The following ALDH5A1 variants were observed in gnomAD, a reference collection of about 807,000 sequenced individuals.
The protein encoded by ALDH5A1 is aldehyde dehydrogenase 5 family member A1, also known as succinate-semialdehyde dehydrogenase, mitochondrial.
A neutral mutation model predicts 54.7 loss-of-function variants in ALDH5A1; 33 were observed. That is an observed-to-expected ratio of 0.60 (90% CI 0.46 to 0.81). The LOEUF (loss-of-function observed/expected upper bound fraction) is 0.81. Among genes scored for constraint, ALDH5A1 ranks in the 30% least tolerant of loss-of-function variants. ALDH5A1 has a pLI of 0.00. For missense variants in ALDH5A1, 657 were observed against 711.0 expected, an observed-to-expected ratio of 0.92 and a Z score of 0.86; for synonymous variants, 294 against 292.7, an observed-to-expected ratio of 1.00 and a Z score of -0.05.
intron 5 of ALDH5A1, among the ~76,000 whole-genome samples, chr6:24,519,293 A>G (rs1759631358): frequency 6.6e-6 from 1 of 152,194 alleles, no homozygotes; most frequent in Non-Finnish European, 1.5e-5. Flanking sequence ...GGCCGGGCAC[A>G]GTGGCTCACA....
At chr6:24,533,401 G>C in intron 9 of ALDH5A1, 106 bp from the exon 10 acceptor site, 3 of 1,194,544 alleles carry the variant, frequency 2.5e-6, no homozygotes, top group Non-Finnish European at 3.7e-6. Context: ...GAAGACTCCA[G>C]GCCCAAGTGG....
intron 5 of ALDH5A1, among the ~76,000 whole-genome samples, chr6:24,519,243 T>A (rs1176046384): frequency 6.6e-6 from 1 of 152,036 alleles, no homozygotes; most frequent in Non-Finnish European, 1.5e-5. Flanking sequence ...AGAAGAGCCA[T>A]GCAGTGGAAT....
Position 24,535,338 on chromosome 6 carries a change from T to G in ALDH5A1, c.*1626T>G, listed in dbSNP as rs1760025040. 2 of 152,120 alleles carry G rather than the reference T, an allele frequency of 1.3e-5. No homozygotes were observed. Among genetic ancestry groups the G allele is most frequent in the African/African-American group, 4.8e-5 (2 of 41,414 alleles). 9.4% of individuals were successfully genotyped at this position (152,120 alleles called of 1,614,324 possible). A position where few individuals can be genotyped will look rare whatever the true frequency, so the allele number is the denominator to read the frequency against. ...GAGTGTACTAGCCACATTCCCAAGG[T>G]CCCAAGGAGAAGGAAGAGCTGAAAT... is the stretch of plus-strand genomic sequence containing the variant. On this transcript the variant is annotated 3_prime_UTR_variant, in exon 10 of 10. Coordinates refer to ENST00000357578, the MANE Select transcript of ALDH5A1 (RefSeq NM_001080.3).
At position 24,520,417 on chromosome 6, in the gene ALDH5A1, C is replaced by T. The variant is rs770030436; in HGVS notation, c.887C>T (p.Ala296Val). Residue 296 changes from alanine (A) to valine (V), a missense_variant, in exon 6 of 10, where the codon GCA becomes GTA. Physicochemically the swap from Ala to Val is moderately conservative, Grantham distance 64 (BLOSUM62 0). This residue lies in a region of ALDH5A1 where 425 missense variants were observed against 516.4 expected (regional missense o/e 0.82). Transcript: ENST00000357578. Reference sequence around the variant, plus strand: ...TGCTCACAGATCCTGTTGCACCACGCAGCAAACTCTGTGAAAAGGGTCTCT... The same window carrying T: ...TGCTCACAGATCCTGTTGCACCACGTAGCAAACTCTGTGAAAAGGGTCTCT... Reference protein sequence around the residue: ...TTTGKILLHHAANSVKRVSME... With the variant: ...TTTGKILLHHVANSVKRVSME... The T allele has an allele frequency of 1.9e-6, 3 of 1,614,076 alleles. No homozygotes were observed. The highest frequency in any genetic ancestry group is 3.3e-5 in the Admixed American group (2 of 60,008).
Position 24,532,940 on chromosome 6 carries a change from C to T in ALDH5A1, c.1403-567C>T, listed in dbSNP as rs370590920. Among the ~76,000 whole-genome samples, 15 of 152,148 alleles carry T rather than the reference C, an allele frequency of 9.9e-5. 1 individual carries two copies. The highest frequency in any genetic ancestry group is 3.1e-4 in the African/African-American group (13 of 41,508). ...TCGATGGGGTGATGGTGGAGGAAGA[C>T]GTACCCTGAACTAGGTCATAAATGA... On this transcript the variant is annotated intron_variant, in intron 9 of 9. Transcript: ENST00000357578.
At position 24,536,992 on chromosome 6, in the gene ALDH5A1, T is replaced by C. The variant is rs1467420543; in HGVS notation, c.*3280T>C. On this transcript the variant is annotated 3_prime_UTR_variant, in exon 10 of 10. Coordinates refer to ENST00000357578, the MANE Select transcript of ALDH5A1 (RefSeq NM_001080.3). ...TGTGTGCAGCTATTTTAAATAGCAT[T>C]TTACTTGAATAATATGTATGTTGTC... The C allele has an allele frequency of 6.5e-6, 1 of 152,680 alleles. No homozygotes were observed. Among genetic ancestry groups the C allele is most frequent in the African/African-American group, 2.4e-5 (1 of 41,470 alleles). 9.5% of individuals were successfully genotyped at this position (152,680 alleles called of 1,614,324 possible).
At chr6:24,533,368 C>G in intron 9 of ALDH5A1, 139 bp from the exon 10 acceptor site, 1 of 872,130 alleles carries the variant, frequency 1.1e-6, no homozygotes, top group Non-Finnish European at 1.9e-6. Flanking sequence ...CAAGACCAAC[C>G]TGGGACTTTA....
At position 24,532,110 on chromosome 6, in the gene ALDH5A1, C is replaced by T; in HGVS notation, c.1344-9C>T. The T allele has an allele frequency of 6.2e-7, 1 of 1,613,950 alleles. No homozygotes were observed. Among genetic ancestry groups the T allele is most frequent in the Non-Finnish European group, 8.5e-7 (1 of 1,179,832 alleles). On this transcript the variant is annotated splice_polypyrimidine_tract_variant and intron_variant, in intron 8 of 9. Transcript: ENST00000357578. ...TTACATTTTTTATGACCTATCTTAA[C>T]TTTGGCAGGTTCGATACAGAGGAGG...
intron 4 of ALDH5A1, among the ~76,000 whole-genome samples, chr6:24,507,834 C>T (rs1759387372): frequency 1.3e-5 from 2 of 151,976 alleles, no homozygotes; most frequent in South Asian, 4.2e-4. Context: ...TATTTGGTTA[C>T]ATGATTAAGT....
rs1399698819 is a variant in ALDH5A1 at position 24,495,291 on chromosome 6, C to T, written c.295C>T (p.Arg99Cys). The T allele has an allele frequency of 6.5e-7, 1 of 1,532,402 alleles. No homozygotes were observed. The highest frequency in any genetic ancestry group is 2.5e-5 in the East Asian group (1 of 40,774). The allele number at this position is 1,532,402 out of a possible 1,614,324, so 94.9% of individuals were successfully genotyped here. ...MVADCGVREA[R>C]AAVRAAYEAF... ...AGCCGACTGCGGGGTGCGAGAGGCCCGCGCCGCCGTGCGCGCTGCCTACGA... is the reference window on the plus strand; with the variant it reads ...AGCCGACTGCGGGGTGCGAGAGGCCTGCGCCGCCGTGCGCGCTGCCTACGA... The change falls in exon 1 of 10, where the codon CGC becomes TGC. Residue 99 changes from arginine (R) to cysteine (C), a missense_variant. Coordinates refer to ENST00000357578, the MANE Select transcript of ALDH5A1 (RefSeq NM_001080.3).
rs777938693 is a variant in ALDH5A1, at chr6:24,533,669, A to G, written c.1565A>G (p.Asp522Gly). ...CGAGAGGGGTCCAAGTATGGCATTG[A>G]TGAGTATCTGGAACTCAAGTATGTG... ...LGREGSKYGI[D>G]EYLELKYVCY... The change falls in exon 10 of 10, where the codon GAT becomes GGT. Residue 522 changes from aspartate to glycine, a missense_variant. Around this residue, in one of 2 missense-constraint regions of ALDH5A1, gnomAD observed 425 missense variants for 516.4 expected, o/e 0.82. Transcript: ENST00000357578. 29 of 1,614,030 alleles carry G rather than the reference A, an allele frequency of 1.8e-5. No individual in the cohort carries two copies. Among genetic ancestry groups the G allele is most frequent in the East Asian group, 1.8e-4 (8 of 44,900 alleles).
At chr6:24,525,968 T>C (rs1474354142) in intron 7 of ALDH5A1, among the ~76,000 whole-genome samples, 3 of 151,696 alleles carry the variant, frequency 2.0e-5, no homozygotes, top group Non-Finnish European at 4.4e-5. Flanking sequence ...TGAAGAAATA[T>C]AGTAGGTATC....
In ALDH5A1 at chr6:24,528,158, A is replaced by G. The variant is rs1401944994; in HGVS notation, c.1335A>G (p.Pro445=). The G allele has an allele frequency of 2.7e-5, 44 of 1,613,890 alleles. No homozygotes were observed. Among genetic ancestry groups the G allele is most frequent in the Non-Finnish European group, 3.7e-5 (44 of 1,179,838 alleles). The change falls in exon 8 of 10, where the codon CCA becomes CCG. Residue 445 remains proline (P), a synonymous_variant. Transcript: ENST00000357578. ...AAGAGACTTTCGGGCCTCTGGCACC[A>G]GTTATCAAGTAAGATCCTCCAGCCA... The part of the protein sequence containing the change: ...THEETFGPLA[P]VIKFDTEEEA...
chr6:24,525,136 G>C (rs1233186610), intron 7 of ALDH5A1, among the ~76,000 whole-genome samples: 1 of 152,090 alleles, frequency 6.6e-6, no homozygotes. Flanking sequence ...TCATAGAGTG[G>C]GTTCTAGGAA....
intron 8 of ALDH5A1, among the ~76,000 whole-genome samples, chr6:24,529,774 C>T (rs1759893784): frequency 2.1e-5 from 3 of 141,970 alleles, no homozygotes; most frequent in East Asian, 2.1e-4. Context: ...TGGGTTCAAG[C>T]GATTCTCCTG....
At chr6:24,505,972 A>G (rs1382821200) in intron 4 of ALDH5A1, among the ~76,000 whole-genome samples, 1 of 151,874 alleles carries the variant, frequency 6.6e-6, no homozygotes, top group African/African-American at 2.4e-5. Context: ...AGTCTCAAAA[A>G]AAAAAATCAC....
chr6:24,520,880 A>G (rs1157699468), intron 6 of ALDH5A1, among the ~76,000 whole-genome samples: 2 of 152,118 alleles, frequency 1.3e-5, no homozygotes, highest in Non-Finnish European at 2.9e-5. Context: ...CCTTTAGTCA[A>G]ATTGTTCTCT....
chr6:24,531,585 A>T (rs566492750), intron 8 of ALDH5A1, among the ~76,000 whole-genome samples: 1 of 152,336 alleles, frequency 6.6e-6, no homozygotes, highest in East Asian at 1.9e-4. Context: ...CTGACATCTT[A>T]TTCCTGAAAT....
chr6:24,508,391 T>A (rs12203339), intron 4 of ALDH5A1, among the ~76,000 whole-genome samples: 11,533 of 23,704 alleles, frequency 0.49, 2,070 homozygotes, highest in African/African-American at 0.57. Flanking sequence ...AAAAAAAAGA[T>A]TAATAGTCTC....
Sources: gnomAD v4.1 joint callset for allele counts (sites outside exome capture counted in the v4.1 genomes callset) on GRCh38, gnomAD v4.1.1 for gene constraint, gnomAD v4.1.1 regional missense constraint, MANE v1.5 for transcripts, NCBI Gene and HGNC (gene_info 2026-07-23, HGNC 2026-07-21) for gene names.